BNC2: variants seen among roughly 807,000 people sequenced by gnomAD.
BNC2 encodes the protein basonuclin zinc finger protein 2, also known as zinc finger protein basonuclin-2.
A neutral mutation model predicts 76.3 loss-of-function variants in BNC2; 20 were observed. The observed-to-expected ratio is 0.26, with a 90% CI of 0.18 to 0.38. BNC2 has a LOEUF of 0.38. Ranked by LOEUF, BNC2 falls within the 10% of genes least tolerant of loss-of-function variation. The pLI, the probability that BNC2 is intolerant of heterozygous loss-of-function variation, is 1.00. For synonymous variants in BNC2, 582 were observed against 514.8 expected (o/e 1.13, Z -1.77); for missense variants, 1,382 against 1,399.8 (o/e 0.99, Z 0.20).
At chr9:16,537,547 T>C (rs552772097) in intron 5 of BNC2, among the ~76,000 whole-genome samples, 1 of 152,254 alleles carries the variant, frequency 6.6e-6, no homozygotes, top group South Asian at 2.1e-4. Context: ...AATGCTTACC[T>C]TTTCCACCAC....
chr9:16,676,062 C>CTCAA (rs1357793707), intron 3 of BNC2, among the ~76,000 whole-genome samples: 3 of 152,088 alleles, frequency 2.0e-5, no homozygotes, highest in South Asian at 2.1e-4. Context: ...GAGACTCTGT[C>CTCAA]TCAATCAATC....
rs576009221 is a variant in BNC2 at position 16,501,736 on chromosome 9, A to G, written c.669+50794T>C. On this transcript the variant is annotated intron_variant, in intron 5 of 6. Coordinates refer to ENST00000380672, the MANE Select transcript of BNC2 (RefSeq NM_017637.6). ...TTGGTTTGATGGAAACGCTGATCCC[A>G]TTAGGGGCTGGATGAATGGCTAAGT... 2.6e-5 allele frequency among the ~76,000 whole-genome samples: 4 copies of G among 152,324 alleles called. No homozygotes were observed. In the East Asian group the frequency reaches 7.7e-4, roughly 29 times the overall value.
chr9:16,411,858 C>T lies in BNC2; in HGVS notation c.*7131G>A, dbSNP rs1159848349. The T allele has an allele frequency of 6.6e-6, 1 of 152,186 alleles. No individual in the cohort carries two copies. The highest frequency in any genetic ancestry group is 1.5e-5 in the Non-Finnish European group (1 of 68,036). The allele number at this position is 152,186 out of a possible 1,614,324, so 9.4% of individuals were successfully genotyped here. A position where few individuals can be genotyped will look rare whatever the true frequency, so the allele number is the denominator to read the frequency against. On this transcript the variant is annotated 3_prime_UTR_variant, in exon 7 of 7. Coordinates refer to ENST00000380672, the MANE Select transcript of BNC2 (RefSeq NM_017637.6). ...ATGTGACTGTTTGTAATGGGGCCAA[C>T]TATCTTCTCTGAGATGCGCTGCGGG...
At chr9:16,489,040 T>C (rs1244342974) in intron 5 of BNC2, among the ~76,000 whole-genome samples, 4 of 152,200 alleles carry the variant, frequency 2.6e-5, no homozygotes, top group Non-Finnish European at 5.9e-5. Context: ...GTCAGTGTTG[T>C]CAAACAGAAA....
intron 6 of BNC2, among the ~76,000 whole-genome samples, chr9:16,430,570 A>T (rs1001949153): frequency 3.3e-5 from 5 of 152,226 alleles, no homozygotes; most frequent in African/African-American, 1.2e-4. Flanking sequence ...AACAGGAGGC[A>T]GGTAACATGT....
At chr9:16,784,968 G>A (rs1174811221) in intron 1 of BNC2, among the ~76,000 whole-genome samples, 4 of 152,166 alleles carry the variant, frequency 2.6e-5, no homozygotes, top group East Asian at 1.9e-4. Flanking sequence ...TTTTAAGCCC[G>A]TGAGACCCAG....
At chr9:16,485,220 T>C (rs752803663) in intron 5 of BNC2, among the ~76,000 whole-genome samples, 5 of 152,146 alleles carry the variant, frequency 3.3e-5, no homozygotes, top group Non-Finnish European at 5.9e-5. Context: ...TAAATGATCG[T>C]TCCTCATAAC....
At chr9:16,789,513 T>C (rs1817441647) in intron 1 of BNC2, among the ~76,000 whole-genome samples, 1 of 152,206 alleles carries the variant, frequency 6.6e-6, no homozygotes, top group Non-Finnish European at 1.5e-5. Flanking sequence ...GTGCTTTCCA[T>C]GCAGAAGCAT....
intron 5 of BNC2, among the ~76,000 whole-genome samples, chr9:16,462,255 C>T (rs1214952880): frequency 1.3e-5 from 2 of 152,132 alleles, no homozygotes; most frequent in South Asian, 2.1e-4. Context: ...CCAGTTAGAA[C>T]ATGACATGCC....
chr9:16,840,277 C>A (rs1818795620), intron 1 of BNC2, among the ~76,000 whole-genome samples: 1 of 152,186 alleles, frequency 6.6e-6, no homozygotes, highest in Non-Finnish European at 1.5e-5. Flanking sequence ...CATTTAACTT[C>A]TTACCATCTC....
chr9:16,721,986 G>T (rs960600563), intron 3 of BNC2, among the ~76,000 whole-genome samples: 44 of 152,238 alleles, frequency 2.9e-4, no homozygotes, highest in African/African-American at 1.0e-3. Flanking sequence ...AGCTATTCAC[G>T]TTTACAAGGA....
Position 16,418,679 on chromosome 9 carries a change from TGTGTGTGTGTGTATGTGCATGTG to T in BNC2, c.*287_*309del, listed in dbSNP as rs1820639106. 2 of 310,934 alleles carry T rather than the reference TGTGTGTGTGTGTATGTGCATGTG, an allele frequency of 6.4e-6. No individual in the cohort carries two copies. The highest frequency in any genetic ancestry group is 2.5e-5 in the African/African-American group (1 of 40,392). The allele number at this position is 310,934 out of a possible 1,614,324, so 19.3% of individuals were successfully genotyped here. A position where few individuals can be genotyped will look rare whatever the true frequency, so the allele number is the denominator to read the frequency against. On this transcript the variant is annotated 3_prime_UTR_variant, in exon 7 of 7. Coordinates refer to ENST00000380672, the MANE Select transcript of BNC2 (RefSeq NM_017637.6). ...TAGTTGCACACTGTGTGTGTGTGTG[TGTGTGTGTGTGTATGTGCATGTG>T]TGTGTGTGTGTGTTTAAAGGGGTAC...
At chr9:16,587,210 T>C (rs927028774) in intron 3 of BNC2, among the ~76,000 whole-genome samples, 5 of 151,264 alleles carry the variant, frequency 3.3e-5, no homozygotes, top group African/African-American at 1.2e-4. Context: ...TTTTTTTTTT[T>C]TTTTTCCTTC....
chr9:16,867,501 T>C (rs951298753), intron 1 of BNC2: 8 of 152,126 alleles, frequency 5.3e-5, no homozygotes, highest in African/African-American at 1.7e-4. Context: ...ATGTGAACAG[T>C]ACTAAATTGA....
intron 5 of BNC2, among the ~76,000 whole-genome samples, chr9:16,442,608 A>T (rs905532152): frequency 5.9e-5 from 9 of 152,182 alleles, no homozygotes; most frequent in African/African-American, 2.2e-4. Flanking sequence ...AGAGAAACCA[A>T]ATAAGGGGCT....
intron 3 of BNC2, among the ~76,000 whole-genome samples, chr9:16,666,368 T>C (rs190925806): frequency 3.3e-5 from 5 of 152,312 alleles, no homozygotes; most frequent in Admixed American, 6.5e-5. Flanking sequence ...TAACTCTATA[T>C]AGAAATTTTA....
At chr9:16,795,081 C>G (rs375848999) in intron 1 of BNC2, among the ~76,000 whole-genome samples, 2 of 152,158 alleles carry the variant, frequency 1.3e-5, no homozygotes, top group East Asian at 3.9e-4. Context: ...AGGCCTTTAG[C>G]AGATCCAAGA....
At position 16,630,749 on chromosome 9, in the gene BNC2, C is replaced by CTTTTTTTTTTTTTTTTTT. The variant is rs755684997; in HGVS notation, c.331-47665_331-47664insAAAAAAAAAAAAAAAAAA. On this transcript the variant is annotated intron_variant, in intron 3 of 6. Transcript: ENST00000380672. ...TATTATTTAAAAATGTGGAGCGTTT[C>CTTTTTTTTTTTTTTTTTT]TTTTTTTGAAACAGAGTTTCACTCT... Among the ~76,000 whole-genome samples, 11 of 140,176 alleles carry CTTTTTTTTTTTTTTTTTT rather than the reference C, an allele frequency of 7.8e-5. 1 individual carries two copies. The highest frequency in any genetic ancestry group is 1.1e-4 in the African/African-American group (4 of 35,680). 92.0% of individuals were successfully genotyped at this position (140,176 alleles called of 152,430 possible).
Position 16,416,564 on chromosome 9 carries a change from CA to C in BNC2, c.*2424del, listed in dbSNP as rs1278005328. ...TTGGGGAATTCAAAGTACAAGAAAA[CA>C]AAAACGATTATTACTAATTCCTCAG... On this transcript the variant is annotated 3_prime_UTR_variant, in exon 7 of 7. Coordinates refer to ENST00000380672, the MANE Select transcript of BNC2 (RefSeq NM_017637.6). The C allele has an allele frequency of 6.6e-6, 1 of 152,438 alleles. No homozygotes were observed. Among genetic ancestry groups the C allele is most frequent in the Non-Finnish European group, 1.5e-5 (1 of 68,006 alleles). The allele number at this position is 152,438 out of a possible 1,614,324, so 9.4% of individuals were successfully genotyped here.
Sources: allele counts gnomAD v4.1 joint callset (sites outside exome capture counted in the v4.1 genomes callset), GRCh38; gene constraint gnomAD v4.1.1; transcripts MANE v1.5; gene names NCBI Gene and HGNC (gene_info 2026-07-23, HGNC 2026-07-21).